CHEK2: variants seen among roughly 807,000 people sequenced by gnomAD.
CHEK2 encodes checkpoint kinase 2.
In CHEK2, 71 loss-of-function variants were observed where a neutral mutation model predicts 69.1. That is an observed-to-expected ratio of 1.03 (90% CI 0.85 to 1.25). The LOEUF is 1.25. Among genes scored for constraint, CHEK2 ranks in the 50% most tolerant of loss-of-function variants. CHEK2 has a pLI of 0.00. For synonymous variants in CHEK2, 189 were observed against 226.9 expected (o/e 0.83, Z 1.50); for missense variants, 664 against 649.6 (o/e 1.02, Z -0.24).
intron 8 of CHEK2, among the ~76,000 whole-genome samples, chr22:28,702,099 G>T (rs1036120795): frequency 1.3e-5 from 2 of 148,788 alleles, no homozygotes; most frequent in Admixed American, 1.4e-4. Context: ...TTCCAGGCAC[G>T]TGCCACTATG....
At chr22:28,715,067 CCT>C (rs1041196079) in intron 5 of CHEK2, among the ~76,000 whole-genome samples, 1 of 152,176 alleles carries the variant, frequency 6.6e-6, no homozygotes, top group African/African-American at 2.4e-5. Context: ...AGAGCAACAC[CCT>C]GTCATTCATT....
chr22:28,712,638 C>G (rs1303246102), intron 5 of CHEK2, among the ~76,000 whole-genome samples: 6 of 152,150 alleles, frequency 3.9e-5, no homozygotes, highest in Non-Finnish European at 5.9e-5. Flanking sequence ...AGCCATTACC[C>G]AGAACACAGT....
In CHEK2 at chr22:28,707,236, C is replaced by G. The variant is rs1355871892; in HGVS notation, c.846+2770G>C. The stretch of plus-strand genomic sequence containing the variant: ...TTCCACTTAGGTCATACTGGGAAAG[C>G]AGTTCAGGGAATTAACGATCTCTGT... On this transcript the variant is annotated intron_variant, in intron 7 of 14. Coordinates refer to ENST00000404276, the MANE Select transcript of CHEK2 (RefSeq NM_007194.4). Among the ~76,000 whole-genome samples, 5 of 152,304 alleles carry G rather than the reference C, an allele frequency of 3.3e-5. No individual in the cohort carries two copies. The East Asian group carries it at 9.6e-4, about 29-fold the overall frequency.
Position 28,725,314 on chromosome 22 carries a change from AG to A in CHEK2, c.372del (p.Phe125LeufsTer6), listed in dbSNP as rs876661050. ...WFGRDKSCEY[C>X]FDEPLLKRTD... ...GTTCTTTTCAGCAGTGGTTCATCAA[AG>A]CAATATTCACAGCTTTTGTCCCTCC... On this transcript the variant is annotated frameshift_variant, in exon 3 of 15. Transcript: ENST00000404276. LOFTEE classifies it high-confidence loss of function. The A allele has an allele frequency of 6.2e-7, 1 of 1,614,162 alleles. No homozygotes were observed. Among genetic ancestry groups the A allele is most frequent in the Non-Finnish European group, 8.5e-7 (1 of 1,180,010 alleles).
intron 7 of CHEK2, among the ~76,000 whole-genome samples, chr22:28,706,503 G>T (rs1374982809): frequency 8.5e-5 from 13 of 152,144 alleles, no homozygotes; most frequent in Admixed American, 8.5e-4. Flanking sequence ...AAGTGCAATG[G>T]GGTGATCATG....
Position 28,689,167 on chromosome 22 carries a change from C to A in CHEK2, c.1510G>T (p.Glu504Ter), listed in dbSNP as rs587782489. 16 of 1,595,222 alleles carry A rather than the reference C, an allele frequency of 1.0e-5. No individual in the cohort carries two copies. In the Admixed American group the frequency reaches 2.5e-4, roughly 25 times the overall value. Residue 504 changes from glutamate (E) to a stop codon, truncating the protein, a stop_gained, in exon 14 of 15, where the codon GAA (glutamate) becomes TAA (stop). Transcript: ENST00000404276. LOFTEE classifies it high-confidence loss of function. ...AGAACCTGGGGTAGAGCTGTGGATT[C>A]ATTTTCCTCAGACAGAAGATCTTGA... ...KFQDLLSEEN[E>*]STALPQVLAQ...
intron 11 of CHEK2, among the ~76,000 whole-genome samples, 166 bp downstream of exon 11, chr22:28,695,544 C>A (rs1324507559): frequency 6.6e-6 from 1 of 152,122 alleles, no homozygotes; most frequent in Admixed American, 6.6e-5. Flanking sequence ...GTAGTCCCAG[C>A]TACTCGGGAG....
intron 1 of CHEK2, among the ~76,000 whole-genome samples, chr22:28,735,815 G>A (rs1266027741): frequency 1.3e-5 from 2 of 152,110 alleles, no homozygotes; most frequent in Non-Finnish European, 2.9e-5. Flanking sequence ...CCAGGAGGCA[G>A]AGGTTGCACT....
chr22:28,724,508 T>C (rs1052161621), intron 4 of CHEK2: 5 of 231,490 alleles, frequency 2.2e-5, no homozygotes, highest in African/African-American at 1.1e-4. Context: ...ATGGAACTTT[T>C]TCATAATTTT....
At chr22:28,693,970 T>G (rs1396881231) in intron 13 of CHEK2, 62 bp downstream of exon 13, 1 of 1,032,382 alleles carries the variant, frequency 9.7e-7, no homozygotes. Flanking sequence ...CTCTGTCTCA[T>G]GTCTCTCAGG....
rs1057520467 is a variant in CHEK2, at chr22:28,699,904, C to A, written c.942G>T (p.Val314=). Residue 314 remains valine (V), a synonymous_variant, in exon 9 of 15, where the codon GTG becomes GTT. Coordinates refer to ENST00000404276, the MANE Select transcript of CHEK2 (RefSeq NM_007194.4). ...MEGGELFDKV[V]GNKRLKEATC... ...TAGCTTCTTTCAGGCGTTTATTCCC[C>A]ACCACTTTGTCAAACAGCTCTCCCC... 6.2e-7 allele frequency: 1 copy of A among 1,614,052 alleles called. No individual in the cohort carries two copies.
intron 13 of CHEK2, among the ~76,000 whole-genome samples, chr22:28,693,533 G>A (rs546628549): frequency 3.3e-5 from 5 of 152,210 alleles, no homozygotes; most frequent in African/African-American, 9.6e-5. Context: ...CATGGCTGGG[G>A]GTAGAGCCAG....
intron 13 of CHEK2, among the ~76,000 whole-genome samples, chr22:28,692,458 C>CAT (rs2052401774): frequency 7.2e-6 from 1 of 138,266 alleles, no homozygotes; most frequent in South Asian, 2.7e-4. Flanking sequence ...CATCCAAACA[C>CAT]ATATATGTCT....
chr22:28,702,355 C>T (rs2052906168), intron 8 of CHEK2, among the ~76,000 whole-genome samples: 1 of 151,390 alleles, frequency 6.6e-6, no homozygotes, highest in Non-Finnish European at 1.5e-5. Context: ...TCTCCTGCCT[C>T]AGCCTCCCGA....
At chr22:28,731,306 T>C (rs1208200702) in intron 2 of CHEK2, among the ~76,000 whole-genome samples, 1 of 152,212 alleles carries the variant, frequency 6.6e-6, no homozygotes, top group East Asian at 1.9e-4. Flanking sequence ...ATAATAATAA[T>C]AAACAGCCTC....
rs1047616789 is a variant in CHEK2, at chr22:28,698,400, A to T, written c.1009-1413T>A. ...ACACAGTGAGACATCATCTCAAAAA[A>T]AATAAACAAATAAAAATAAATTTAA... On this transcript the variant is annotated intron_variant, in intron 9 of 14. Coordinates refer to ENST00000404276, the MANE Select transcript of CHEK2 (RefSeq NM_007194.4). 6.6e-5 allele frequency among the ~76,000 whole-genome samples: 10 copies of T among 152,228 alleles called. No individual in the cohort carries two copies. The South Asian group carries it at 1.9e-3, about 28-fold the overall frequency.
chr22:28,716,871 C>G (rs977610344), intron 5 of CHEK2, among the ~76,000 whole-genome samples: 2 of 152,176 alleles, frequency 1.3e-5, no homozygotes, highest in African/African-American at 4.8e-5. Flanking sequence ...CAGAATAATA[C>G]TAAGACATTA....
intron 7 of CHEK2, among the ~76,000 whole-genome samples, chr22:28,706,814 G>A (rs1400651318): frequency 6.6e-6 from 1 of 152,110 alleles, no homozygotes; most frequent in Admixed American, 6.5e-5. Flanking sequence ...AGCTAGTCAG[G>A]AGGCTGAGGC....
chr22:28,697,404 T>C (rs2052635494), intron 9 of CHEK2, among the ~76,000 whole-genome samples: 1 of 152,216 alleles, frequency 6.6e-6, no homozygotes, highest in African/African-American at 2.4e-5. Flanking sequence ...TATACAAATA[T>C]ATATTTGTAA....
Sources: gnomAD v4.1 joint callset for allele counts (sites outside exome capture counted in the v4.1 genomes callset) on GRCh38, gnomAD v4.1.1 for gene constraint, MANE v1.5 for transcripts, NCBI Gene and HGNC (gene_info 2026-07-23, HGNC 2026-07-21) for gene names.